CES4A: variants seen among roughly 807,000 people sequenced by gnomAD.
CES4A encodes the protein carboxylesterase 6.
CES4A carries 48 observed loss-of-function variants against 65.4 expected under a neutral mutation model. The ratio of observed to expected loss-of-function variants is 0.73; its 90% CI spans 0.58 to 0.93. The LOEUF (loss-of-function observed/expected upper bound fraction) is 0.93. CES4A is among the 40% of genes least tolerant of loss of function. The pLI, the probability that CES4A is intolerant of heterozygous loss-of-function variation, is 0.00. For synonymous variants in CES4A, 247 were observed against 281.8 expected (o/e 0.88, Z 1.24); for missense variants, 685 against 728.5 (o/e 0.94, Z 0.69).
Position 66,988,837 on chromosome 16 carries a change from C to G in CES4A, c.58+7C>G. ...ATGGCGCAGACGGCCTTGGGTAAGA[C>G]CCCCACCCCTTCCCGAGAGTGTCAG... is the stretch of plus-strand genomic sequence containing the variant. On this transcript the variant is annotated splice_region_variant and intron_variant, in intron 1 of 13. Coordinates refer to ENST00000648724, the Ensembl canonical transcript of CES4A. 2 of 1,561,148 alleles carry G rather than the reference C, an allele frequency of 1.3e-6. No homozygotes were observed. The highest frequency in any genetic ancestry group is 1.7e-6 in the Non-Finnish European group (2 of 1,152,018).
intron 2 of CES4A, 123 bp downstream of exon 2, chr16:66,995,952 T>A: frequency 1.1e-6 from 1 of 922,422 alleles, no homozygotes; most frequent in Non-Finnish European, 1.7e-6. Context: ...TGGGGCCCAT[T>A]CTGGGCCTCA....
chr16:66,995,082 C>T (rs926726229), intron 1 of CES4A, among the ~76,000 whole-genome samples: 19 of 151,642 alleles, frequency 1.3e-4, no homozygotes, highest in Non-Finnish European at 2.1e-4. Flanking sequence ...GAGGCCAAGG[C>T]GGGCAGATCA....
intron 10 of CES4A, 121 bp downstream of exon 10, chr16:67,004,994 G>A: frequency 1.1e-6 from 1 of 873,956 alleles, no homozygotes; most frequent in Non-Finnish European, 1.8e-6. Flanking sequence ...TTTCTTGGAG[G>A]GTCTGGGGTT....
intron 11 of CES4A, 138 bp downstream of exon 11, chr16:67,005,531 G>A (rs1965688718): frequency 1.2e-6 from 1 of 802,818 alleles, no homozygotes; most frequent in East Asian, 2.8e-5. Context: ...TATCACAGAG[G>A]AGGCAGCATG....
chr16:67,007,179 G>A (rs1225105393), intron 13 of CES4A: 4 of 241,798 alleles, frequency 1.7e-5, no homozygotes, highest in South Asian at 7.5e-5. Context: ...AATCTGGTAC[G>A]CTGAGAGCTG....
chr16:66,988,843 C>T lies in CES4A; in HGVS notation c.58+13C>T. 2 of 1,558,058 alleles carry T rather than the reference C, an allele frequency of 1.3e-6. No individual in the cohort carries two copies. The highest frequency in any genetic ancestry group is 1.7e-6 in the Non-Finnish European group (2 of 1,150,408). On this transcript the variant is annotated intron_variant, in intron 1 of 13. Coordinates refer to ENST00000648724, the Ensembl canonical transcript of CES4A. Reference sequence around the variant, plus strand: ...CAGACGGCCTTGGGTAAGACCCCCACCCCTTCCCGAGAGTGTCAGGCAAGA... The same window carrying T: ...CAGACGGCCTTGGGTAAGACCCCCATCCCTTCCCGAGAGTGTCAGGCAAGA...
chr16:66,997,093 C>A (rs1964917763), intron 2 of CES4A, among the ~76,000 whole-genome samples: 1 of 151,674 alleles, frequency 6.6e-6, no homozygotes, highest in South Asian at 2.1e-4. Context: ...AGGTTGTCCA[C>A]TGTTAGAACA....
At chr16:67,004,866 C>G in exon 10 of CES4A, 3 of 1,535,910 alleles carry the variant, frequency 2.0e-6, no homozygotes, top group Non-Finnish European at 2.6e-6. Context: ...AGTACCCGCA[C>G]CCTGTTGGTG....
chr16:66,993,532 AG>A (rs1323065664), intron 1 of CES4A, among the ~76,000 whole-genome samples: 1 of 150,764 alleles, frequency 6.6e-6, no homozygotes, highest in Non-Finnish European at 1.5e-5. Flanking sequence ...TAGTAGAGAC[AG>A]GGGTTTCACC....
chr16:66,990,777 C>CT lies in CES4A; in HGVS notation c.58+1958dup, dbSNP rs776481944. On this transcript the variant is annotated intron_variant, in intron 1 of 13. Transcript: ENST00000648724. The stretch of plus-strand genomic sequence containing the variant: ...CACAATTTTATATTCTGGGGTTTTT[C>CT]TTTTTTTTTTTAATTTAAGTTATTA... 2.6e-3 allele frequency among the ~76,000 whole-genome samples: 373 copies of CT among 144,686 alleles called. 2 individuals are homozygous for CT. The highest frequency in any genetic ancestry group is 7.5e-3 in the African/African-American group (296 of 39,642). The allele number at this position is 144,686 out of a possible 152,430, so 94.9% of individuals were successfully genotyped here.
chr16:66,990,121 G>A (rs972800932), intron 1 of CES4A, among the ~76,000 whole-genome samples: 4 of 131,108 alleles, frequency 3.1e-5, no homozygotes, highest in African/African-American at 1.2e-4. Context: ...TGCCATCTCC[G>A]CTCACCGCAA....
In CES4A at chr16:67,001,164, G is replaced by A; in HGVS notation, c.537-144G>A. ...GCTCCATACCATCTGGATGGGGCGA[G>A]CTAACTCCAAGGAAGGGGGTGTGGT... On this transcript the variant is annotated intron_variant, in intron 4 of 13. Coordinates refer to ENST00000648724, the Ensembl canonical transcript of CES4A. This position sits in a 1 kb window ranked among gnomAD's most constrained non-coding sequence, Gnocchi z 4.1. 1 of 1,366,774 alleles carries A rather than the reference G, an allele frequency of 7.3e-7. No individual in the cohort carries two copies. The highest frequency in any genetic ancestry group is 2.5e-5 in the East Asian group (1 of 39,792). The allele number at this position is 1,366,774 out of a possible 1,614,324, so 84.7% of individuals were successfully genotyped here. A position where few individuals can be genotyped will look rare whatever the true frequency, so the allele number is the denominator to read the frequency against.
rs565805310 is a variant in CES4A at position 67,006,457 on chromosome 16, G to A, written c.1382G>A (p.Arg461His). 2.5e-5 allele frequency: 38 copies of A among 1,536,514 alleles called. No homozygotes were observed. In the Admixed American group the frequency reaches 2.5e-4, roughly 10 times the overall value. Residue 461 changes from arginine (R) to histidine (H), a missense_variant, in exon 12 of 14, where the codon CGC (arginine) becomes CAC (histidine). By Grantham distance (29) the Arg-to-His change is conservative (BLOSUM62 0). Coordinates refer to ENST00000648724, the Ensembl canonical transcript of CES4A. ...GCTCGTGGAATAATCGTCAAACCCC[G>A]CACTGATGGGGCAGACCATGGGGAT...
At chr16:67,007,789 T>A (rs969947715) in intron 13 of CES4A, 4 of 138,710 alleles carry the variant, frequency 2.9e-5, no homozygotes, top group Non-Finnish European at 4.8e-5. Flanking sequence ...CCCGTCTAAT[T>A]TTTTTTTTTT....
At chr16:67,006,318 G>A in intron 11 of CES4A, 73 bp from the exon 12 acceptor site, 5 of 1,500,956 alleles carry the variant, frequency 3.3e-6, no homozygotes, top group Non-Finnish European at 4.5e-6. Context: ...GCAGGTGAGT[G>A]GGAGGCATGG....
intron 5 of CES4A, 64 bp from the exon 6 acceptor site, chr16:67,002,994 GCCAGACAGATGC>G: frequency 7.7e-7 from 1 of 1,300,266 alleles, no homozygotes; most frequent in Non-Finnish European, 1.1e-6. Flanking sequence ...CCTGCCCATG[GCCAGACAGATGC>G]CCAGAACAGC....
chr16:66,993,873 G>A (rs949858983), intron 1 of CES4A, among the ~76,000 whole-genome samples: 4 of 151,710 alleles, frequency 2.6e-5, no homozygotes, highest in Non-Finnish European at 5.9e-5. Flanking sequence ...AGGCTGAGGC[G>A]GGCAGATCAC....
intron 13 of CES4A, 184 bp from the exon 14 acceptor site, chr16:67,008,790 T>TATA: frequency 1.6e-6 from 1 of 623,974 alleles, no homozygotes. Context: ...ACATACTGTT[T>TATA]GCTCTGCCTG....
intron 13 of CES4A, 158 bp downstream of exon 13, chr16:67,006,975 AC>A: frequency 1.6e-6 from 1 of 620,372 alleles, no homozygotes. Flanking sequence ...TCAGTCAGTC[AC>A]CGGATCCTAA....
Sources: allele counts gnomAD v4.1 joint callset (sites outside exome capture counted in the v4.1 genomes callset), GRCh38; gene constraint gnomAD v4.1.1; non-coding constraint Gnocchi (gnomAD v3.1); transcripts MANE v1.5; gene names NCBI Gene and HGNC (gene_info 2026-07-23, HGNC 2026-07-21).